FAM234A: variants seen among roughly 807,000 people sequenced by gnomAD.
FAM234A encodes protein FAM234A.
Under a neutral mutation model 49.1 loss-of-function variants are expected in FAM234A, and 42 were observed. The ratio of observed to expected loss-of-function variants is 0.86; its 90% confidence interval spans 0.67 to 1.11. The LOEUF is 1.11. Among genes scored for constraint, FAM234A ranks in the 50% least tolerant of loss-of-function variants. The pLI, the probability that FAM234A is intolerant of heterozygous loss-of-function variation, is 0.00. For missense variants in FAM234A, 815 were observed against 745.2 expected, an observed-to-expected ratio of 1.09 and a Z score of -1.09; for synonymous variants, 369 against 316.2, an observed-to-expected ratio of 1.17 and a Z score of -1.77.
In FAM234A at chr16:246,659, T is replaced by C. The variant is rs566626192; in HGVS notation, c.-139-2890T>C. Among the ~76,000 whole-genome samples, 400 of 151,620 alleles carry C rather than the reference T, an allele frequency of 2.6e-3. 3 individuals are homozygous for C. Among genetic ancestry groups the C allele is most frequent in the Non-Finnish European group, 2.4e-3 (166 of 67,956 alleles). On this transcript the variant is annotated intron_variant, in intron 1 of 12. Coordinates refer to ENST00000399932, the MANE Select transcript of FAM234A (RefSeq NM_032039.4). ...TGGTCTCAATCTCCTGACCTTGTGA[T>C]CCGCCCGCTTTGGCCTCCTAAAGTG...
chr16:254,451 C>T lies in FAM234A; in HGVS notation c.38C>T (p.Pro13Leu). ...AAGGACTTAGAGGCCGAAATCCACC[C>T]CTTGAAAAATGAAGAAAGAAAATCG... ...DHKDLEAEIH[P>L]LKNEERKSQE... The change falls in exon 3 of 13, where the codon CCC becomes CTC. Residue 13 changes from proline (P) to leucine (L), a missense_variant. By Grantham distance (98) the Pro-to-Leu change is moderately conservative. Coordinates refer to ENST00000399932, the MANE Select transcript of FAM234A (RefSeq NM_032039.4). 1.9e-6 allele frequency: 3 copies of T among 1,614,166 alleles called. No individual in the cohort carries two copies. The highest frequency in any genetic ancestry group is 1.1e-5 in the South Asian group (1 of 91,080).
chr16:249,398 TG>T (rs1160106512), intron 1 of FAM234A, 150 bp from the exon 2 acceptor site: 1 of 152,060 alleles, frequency 6.6e-6, no homozygotes, highest in Non-Finnish European at 1.5e-5. Context: ...TTAGTCCTTC[TG>T]GGGGTGGCAT....
chr16:251,305 G>A (rs893466057), intron 2 of FAM234A, among the ~76,000 whole-genome samples: 1 of 152,120 alleles, frequency 6.6e-6, no homozygotes, highest in African/African-American at 2.4e-5. Flanking sequence ...CATTTTGGCT[G>A]TTGTTAATAA....
At chr16:267,549 C>T (rs1283531387), downstream of FAM234A, among the ~76,000 whole-genome samples, 3 of 151,700 alleles carry the variant, frequency 2.0e-5, no homozygotes, top group Non-Finnish European at 4.4e-5. Context: ...ACATGCATGC[C>T]TCACAGTACA....
rs752042616 is a variant in FAM234A at position 264,973 on chromosome 16, A to G, written c.1610A>G (p.Gln537Arg). 5 of 1,612,170 alleles carry G rather than the reference A, an allele frequency of 3.1e-6. No homozygotes were observed. The Admixed American group carries it at 8.3e-5, about 27-fold the overall frequency. The change falls in exon 13 of 13, where the codon CAA becomes CGA. Residue 537 changes from glutamine to arginine, a missense_variant. Transcript: ENST00000399932. ...GGTGAGGGTGGGCCAGACAGTGACC[A>G]AGCCATCAGGGACCGGTTCTCCCGG... Reference protein sequence around the residue: ...RLGEGGPDSDQAIRDRFSRLR... With the variant: ...RLGEGGPDSDRAIRDRFSRLR...
chr16:237,737 A>G (rs1488210415), intron 1 of FAM234A, among the ~76,000 whole-genome samples: 1 of 148,316 alleles, frequency 6.7e-6, no homozygotes, highest in Non-Finnish European at 1.5e-5. Context: ...TTTGAGACAG[A>G]GTCTTCCTCT....
At chr16:247,108 T>C (rs549492830) in intron 1 of FAM234A, 1 of 151,592 alleles carries the variant, frequency 6.6e-6, no homozygotes, top group Admixed American at 6.6e-5. Flanking sequence ...TTGTTGGTTT[T>C]GTTGTTTTAT....
Position 249,857 on chromosome 16 carries a change from T to A in FAM234A, c.-34+203T>A, listed in dbSNP as rs1167175242. Among the ~76,000 whole-genome samples, 3 of 152,096 alleles carry A rather than the reference T, an allele frequency of 2.0e-5. No individual in the cohort carries two copies. The East Asian group carries it at 5.8e-4, about 29-fold the overall frequency. On this transcript the variant is annotated intron_variant, in intron 2 of 12. Coordinates refer to ENST00000399932, the MANE Select transcript of FAM234A (RefSeq NM_032039.4). ...GCTCTTAAGTTTAAAGCCGTAAAGA[T>A]AGAAATCCAGAATTATAACATTCTG...
At chr16:247,580 C>T (rs565370484) in intron 1 of FAM234A, among the ~76,000 whole-genome samples, 2 of 151,444 alleles carry the variant, frequency 1.3e-5, no homozygotes, top group African/African-American at 2.4e-5. Context: ...TTAAGGTGCC[C>T]GCCACCACGC....
intron 1 of FAM234A, among the ~76,000 whole-genome samples, chr16:238,179 G>A (rs548219786): frequency 1.3e-5 from 2 of 152,076 alleles, no homozygotes; most frequent in East Asian, 1.9e-4. Flanking sequence ...TCACCATGCC[G>A]GGCTAATTTT....
At chr16:238,765 C>CAAAAAAAA in intron 1 of FAM234A, among the ~76,000 whole-genome samples, 1 of 37,896 alleles carries the variant, frequency 2.6e-5, no homozygotes, top group Non-Finnish European at 4.4e-5. Context: ...GACTCCGTCT[C>CAAAAAAAA]AAAAAAAAAA....
chr16:269,035 G>C (rs2051795279), downstream of FAM234A: 1 of 1,235,836 alleles, frequency 8.1e-7, no homozygotes, highest in East Asian at 2.5e-5. Context: ...CCCAAGCTGA[G>C]CCAATGAACC....
intron 2 of FAM234A, among the ~76,000 whole-genome samples, chr16:250,580 A>G (rs987435782): frequency 1.1e-4 from 17 of 152,154 alleles, no homozygotes; most frequent in African/African-American, 3.9e-4. Flanking sequence ...GAATGCACAC[A>G]TTTTTTCTTA....
Position 265,837 on chromosome 16 carries a change from T to G in FAM234A, c.*815T>G, listed in dbSNP as rs1348423380. 6 of 985,886 alleles carry G rather than the reference T, an allele frequency of 6.1e-6. No individual in the cohort carries two copies. Among genetic ancestry groups the G allele is most frequent in the Non-Finnish European group, 7.2e-6 (6 of 830,126 alleles). 61.1% of individuals were successfully genotyped at this position (985,886 alleles called of 1,614,324 possible). On this transcript the variant is annotated 3_prime_UTR_variant, in exon 13 of 13. Transcript: ENST00000399932. Reference sequence around the variant, plus strand: ...CCCTCTCAGTAGACACTGGAGCTGCTCTGTCCCTGAAGAGGCCCCGTGCCC... The same window carrying G: ...CCCTCTCAGTAGACACTGGAGCTGCGCTGTCCCTGAAGAGGCCCCGTGCCC...
At chr16:260,252 T>C in intron 5 of FAM234A, 92 bp downstream of exon 5, 2 of 1,194,146 alleles carry the variant, frequency 1.7e-6, no homozygotes, top group African/African-American at 3.0e-5. Flanking sequence ...GCGACGAGGC[T>C]CAGCCCTGTG....
At chr16:254,153 G>A in intron 2 of FAM234A, 1 of 498,674 alleles carries the variant, frequency 2.0e-6, no homozygotes, top group Non-Finnish European at 3.6e-6. Flanking sequence ...CCTGCCTGCT[G>A]GCTCTCCACA....
chr16:264,743 G>A (rs375078275), intron 12 of FAM234A, 27 bp downstream of exon 12: 16 of 1,607,776 alleles, frequency 1.0e-5, no homozygotes, highest in South Asian at 2.2e-5. Context: ...CCAGGGACCC[G>A]GGTGTTCCGC....
chr16:237,256 TTGTC>T (rs1262706935), intron 1 of FAM234A, among the ~76,000 whole-genome samples: 2 of 152,032 alleles, frequency 1.3e-5, no homozygotes, highest in Non-Finnish European at 2.9e-5. Context: ...CTTCTAATGG[TTGTC>T]TGCTGCTTGT....
At chr16:253,261 C>T (rs2051093268) in intron 2 of FAM234A, among the ~76,000 whole-genome samples, 1 of 152,140 alleles carries the variant, frequency 6.6e-6, no homozygotes, top group South Asian at 2.1e-4. Context: ...GCATGTTTTT[C>T]CCCTCAGAAT....
Sources: allele counts gnomAD v4.1 joint callset (sites outside exome capture counted in the v4.1 genomes callset), GRCh38; gene constraint gnomAD v4.1.1; transcripts MANE v1.5; gene names NCBI Gene and HGNC (gene_info 2026-07-23, HGNC 2026-07-21).